Variants in EHD1 observed in about 807,000 individuals in gnomAD.
EHD1 encodes EH domain-containing protein 1.
EHD1 carries 19 observed loss-of-function variants against 39.0 expected under a neutral mutation model. The observed-to-expected ratio is 0.49, with a 90% CI of 0.34 to 0.72. The LOEUF is 0.72. Among genes scored for constraint, EHD1 ranks in the 30% least tolerant of loss-of-function variants. EHD1 has a pLI of 0.01. For missense variants in EHD1, 542 were observed against 751.5 expected, an observed-to-expected ratio of 0.72 and a Z score of 3.26; for synonymous variants, 323 against 331.2, an observed-to-expected ratio of 0.98 and a Z score of 0.27.
Position 64,854,352 on chromosome 11 carries a change from G to C in EHD1, c.1586C>G (p.Ser529Cys). 6.2e-7 allele frequency: 1 copy of C among 1,610,264 alleles called. No homozygotes were observed. The highest frequency in any genetic ancestry group is 8.5e-7 in the Non-Finnish European group (1 of 1,178,834). Residue 529 changes from serine (S) to cysteine (C), a missense_variant, in exon 5 of 5, where the codon TCC (serine) becomes TGC (cysteine). Ser to Cys is a moderately radical substitution (Grantham distance 112). Transcript: ENST00000320631. ...ADLPPHLVPP[S>C]KRRHE ...GCGCCATCACTCATGTCTGCGCTTG[G>C]AGGGCGGCACCAGGTGCGGGGGCAG...
At chr11:64,861,563 C>G (rs550330865) in intron 2 of EHD1, among the ~76,000 whole-genome samples, 27 of 152,218 alleles carry the variant, frequency 1.8e-4, no homozygotes, top group Non-Finnish European at 3.7e-4. Context: ...TTATTTTCTG[C>G]AACAAGGGTT....
chr11:64,878,120 C>T lies in EHD1; in HGVS notation c.345G>A (p.Val115=). The change falls in exon 1 of 5, where the codon GTG becomes GTA. Residue 115 remains valine (V), a synonymous_variant. Coordinates refer to ENST00000320631, the MANE Select transcript of EHD1 (RefSeq NM_006795.4). ...TEGVVPGNAL[V]VDPRRPFRKL... Reference sequence around the variant, plus strand: ...TGCGGAAGGGGCGCCGCGGGTCCACCACGAGCGCGTTGCCCGGCACCACGC... The same window carrying T: ...TGCGGAAGGGGCGCCGCGGGTCCACTACGAGCGCGTTGCCCGGCACCACGC... The T allele has an allele frequency of 6.4e-7, 1 of 1,563,652 alleles. No homozygotes were observed. Among genetic ancestry groups the T allele is most frequent in the Non-Finnish European group, 8.7e-7 (1 of 1,151,322 alleles).
At chr11:64,867,115 C>T (rs1943775499) in intron 2 of EHD1, among the ~76,000 whole-genome samples, 1 of 152,050 alleles carries the variant, frequency 6.6e-6, no homozygotes, top group Non-Finnish European at 1.5e-5. Context: ...GGGTCCATGA[C>T]CAAAAAACGT....
chr11:64,860,433 T>C, intron 2 of EHD1, 97 bp from the exon 3 acceptor site: 5 of 1,455,560 alleles, frequency 3.4e-6, no homozygotes, highest in Non-Finnish European at 4.5e-6. Context: ...CAGCCTGAGA[T>C]AGTTTTTAAA....
chr11:64,878,811 G>A, upstream of EHD1: 3 of 1,182,336 alleles, frequency 2.5e-6, no homozygotes, highest in Non-Finnish European at 3.1e-6. Context: ...CGAGGCTGTG[G>A]TCCGGGTGCC....
At chr11:64,872,532 C>T (rs746223987) in intron 2 of EHD1, among the ~76,000 whole-genome samples, 7 of 151,972 alleles carry the variant, frequency 4.6e-5, no homozygotes, top group Admixed American at 1.3e-4. Flanking sequence ...TTTGCTTATC[C>T]GGCATTTACT....
At chr11:64,865,070 G>C (rs563741173) in intron 2 of EHD1, among the ~76,000 whole-genome samples, 14 of 152,226 alleles carry the variant, frequency 9.2e-5, no homozygotes, top group Non-Finnish European at 1.9e-4. Context: ...CCATTTCTTT[G>C]CAGGTGACTA....
intron 2 of EHD1, among the ~76,000 whole-genome samples, chr11:64,862,170 G>A (rs1943723255): frequency 6.6e-6 from 1 of 152,192 alleles, no homozygotes; most frequent in Non-Finnish European, 1.5e-5. Flanking sequence ...GCCTCCCAAA[G>A]TGCTGGGGTG....
intron 2 of EHD1, among the ~76,000 whole-genome samples, chr11:64,861,780 T>A (rs1215034649): frequency 6.6e-6 from 1 of 152,234 alleles, no homozygotes; most frequent in African/African-American, 2.4e-5. Context: ...TGCTGACCTC[T>A]GCTCTACAAG....
intron 2 of EHD1, among the ~76,000 whole-genome samples, chr11:64,864,173 A>G (rs1266302184): frequency 6.6e-6 from 1 of 152,206 alleles, no homozygotes; most frequent in East Asian, 1.9e-4. Flanking sequence ...CCCGAGGGCC[A>G]AGCTTCTTAA....
At chr11:64,856,112 C>T in intron 3 of EHD1, 1 of 155,232 alleles carries the variant, frequency 6.4e-6, no homozygotes, top group Non-Finnish European at 1.4e-5. Context: ...GGAAAGGCTG[C>T]CTGGGGTGCT....
At chr11:64,867,388 C>G (rs950792784) in intron 2 of EHD1, among the ~76,000 whole-genome samples, 1 of 150,424 alleles carries the variant, frequency 6.6e-6, no homozygotes, top group Non-Finnish European at 1.5e-5. Context: ...CACTGCATTT[C>G]GGCCTGGGCA....
chr11:64,878,990 C>G, upstream of EHD1: 1 of 998,356 alleles, frequency 1.0e-6, no homozygotes, highest in South Asian at 4.4e-5. Context: ...GACACCCAGT[C>G]AGGCACCCTG....
In EHD1 at chr11:64,860,344, G is replaced by T. The variant is rs1183499149; in HGVS notation, c.503-8C>A. 1.2e-6 allele frequency: 2 copies of T among 1,603,878 alleles called. No homozygotes were observed. The highest frequency in any genetic ancestry group is 2.2e-5 in the East Asian group (1 of 44,652). Reference sequence around the variant, plus strand: ...CGGCTGCAAAGTCATAGCCTGGGGGGAAGAGAAGGGAGAGCTCAGGGGCGC... The same window carrying T: ...CGGCTGCAAAGTCATAGCCTGGGGGTAAGAGAAGGGAGAGCTCAGGGGCGC... On this transcript the variant is annotated splice_region_variant and splice_polypyrimidine_tract_variant and intron_variant, in intron 2 of 4. Coordinates refer to ENST00000320631, the MANE Select transcript of EHD1 (RefSeq NM_006795.4).
chr11:64,877,979 C>T, intron 1 of EHD1, 82 bp downstream of exon 1: 1 of 1,374,720 alleles, frequency 7.3e-7, no homozygotes. Flanking sequence ...GACGGCGGGG[C>T]GACAGCCACG....
Position 64,855,071 on chromosome 11 carries a change from G to A in EHD1, c.1081-214C>T, listed in dbSNP as rs962849545. On this transcript the variant is annotated intron_variant, in intron 4 of 4. Transcript: ENST00000320631. ...TGCAGGGCTGCGGCAAGGATTCATGGACAGGGCACCAGAGCGCCTGGCATG... is the reference window on the plus strand; with the variant it reads ...TGCAGGGCTGCGGCAAGGATTCATGAACAGGGCACCAGAGCGCCTGGCATG... The A allele has an allele frequency of 7.2e-6, 6 of 829,062 alleles. No individual in the cohort carries two copies. The African/African-American group carries it at 1.0e-4, about 14-fold the overall frequency. 51.4% of individuals were successfully genotyped at this position (829,062 alleles called of 1,614,324 possible). A position where few individuals can be genotyped will look rare whatever the true frequency, so the allele number is the denominator to read the frequency against.
chr11:64,860,147 C>T lies in EHD1; in HGVS notation c.692G>A (p.Arg231Gln). 3.1e-6 allele frequency: 5 copies of T among 1,614,176 alleles called. No individual in the cohort carries two copies. Among genetic ancestry groups the T allele is most frequent in the Non-Finnish European group, 3.4e-6 (4 of 1,180,040 alleles). The change falls in exon 3 of 5, where the codon CGG (arginine) becomes CAG (glutamine). Residue 231 changes from arginine (R) to glutamine (Q), a missense_variant. Physicochemically the swap from Arg to Gln is conservative, Grantham distance 43. Transcript: ENST00000320631. ...GGACCACATGAGGGCCCCGTACACC[C>T]GCATCAGCTGCTGCGTCTCGATCTG... Reference protein sequence around the residue: ...ADQIETQQLMRVYGALMWSLG... With the variant: ...ADQIETQQLMQVYGALMWSLG...
At chr11:64,863,725 C>T (rs116947770) in intron 2 of EHD1, among the ~76,000 whole-genome samples, 1 of 152,242 alleles carries the variant, frequency 6.6e-6, no homozygotes, top group Admixed American at 6.5e-5. Flanking sequence ...CCTGGCGCTC[C>T]CAGAAGGAAC....
At chr11:64,878,753 T>C (rs1009682877), upstream of EHD1, 25 of 1,232,506 alleles carry the variant, frequency 2.0e-5, no homozygotes, top group Admixed American at 8.0e-5. Flanking sequence ...CTCCGACTGG[T>C]GCCACGTCTT....
Sources: gnomAD v4.1 joint callset for allele counts (sites outside exome capture counted in the v4.1 genomes callset) on GRCh38, gnomAD v4.1.1 for gene constraint, MANE v1.5 for transcripts, NCBI Gene and HGNC (gene_info 2026-07-23, HGNC 2026-07-21) for gene names.